The following SAMSN1 variants were observed in gnomAD, a reference collection of about 807,000 sequenced individuals.
The protein encoded by SAMSN1 is SAM domain, SH3 domain and nuclear localization signals 1.
A neutral mutation model predicts 42.0 loss-of-function variants in SAMSN1; 31 were observed. The observed-to-expected ratio is 0.74, with a 90% CI of 0.55 to 1.00. SAMSN1 has a LOEUF of 1.00. Among genes scored for constraint, SAMSN1 ranks in the 50% least tolerant of loss-of-function variants. The pLI, the probability that SAMSN1 is intolerant of heterozygous loss-of-function variation, is 0.00. For synonymous variants in SAMSN1, 178 were observed against 151.9 expected (o/e 1.17, Z -1.26); for missense variants, 464 against 439.4 (o/e 1.06, Z -0.50).
intron 1 of SAMSN1, among the ~76,000 whole-genome samples, chr21:14,657,340 C>T (rs1650778080): frequency 6.6e-6 from 1 of 151,734 alleles, no homozygotes; most frequent in Non-Finnish European, 1.5e-5. Flanking sequence ...ACAACTTTAA[C>T]AGACAGAAAA....
intron 2 of SAMSN1, among the ~76,000 whole-genome samples, chr21:14,581,197 A>G (rs1981703805): frequency 6.6e-6 from 1 of 152,002 alleles, no homozygotes; most frequent in South Asian, 2.1e-4. Context: ...ACTCTAATGT[A>G]GTAGCTAAAA....
intron 2 of SAMSN1, among the ~76,000 whole-genome samples, chr21:14,578,680 CAAAAAAAAAAAAA>C (rs769354531): frequency 9.4e-5 from 6 of 63,726 alleles, no homozygotes; most frequent in African/African-American, 3.1e-4. Flanking sequence ...GAGAATCCAT[CAAAAAAAAAAAAA>C]AAAAAAAAAA....
intron 7 of SAMSN1, among the ~76,000 whole-genome samples, chr21:14,589,582 T>C (rs74604784): frequency 5.7e-4 from 87 of 152,222 alleles, no homozygotes; most frequent in African/African-American, 1.9e-3. Flanking sequence ...TATACCTACA[T>C]ATATTTGCTG....
chr21:14,600,686 T>C (rs1982405461), intron 6 of SAMSN1, among the ~76,000 whole-genome samples: 1 of 152,210 alleles, frequency 6.6e-6, no homozygotes, highest in African/African-American at 2.4e-5. Flanking sequence ...GATTTCCTCT[T>C]GGCAGAAGGC....
chr21:14,653,809 G>C (rs975638538), intron 1 of SAMSN1, among the ~76,000 whole-genome samples: 9 of 149,580 alleles, frequency 6.0e-5, no homozygotes, highest in African/African-American at 2.2e-4. Flanking sequence ...TTAAAAATTT[G>C]AAAGAATGAA....
chr21:14,552,502 T>C (rs1271067577), intron 2 of SAMSN1, among the ~76,000 whole-genome samples: 1 of 152,080 alleles, frequency 6.6e-6, no homozygotes, highest in African/African-American at 2.4e-5. Context: ...CACTCCCACT[T>C]TTCCACCATG....
At chr21:14,528,765 C>A (rs1023580520) in intron 1 of SAMSN1, among the ~76,000 whole-genome samples, 1 of 152,130 alleles carries the variant, frequency 6.6e-6, no homozygotes, top group African/African-American at 2.4e-5. Flanking sequence ...CAAATTCTTG[C>A]CCCTCTAATC....
chr21:14,649,815 A>ACACC (rs1983800163), intron 1 of SAMSN1, among the ~76,000 whole-genome samples: 4 of 151,856 alleles, frequency 2.6e-5, no homozygotes, highest in Non-Finnish European at 4.4e-5. Flanking sequence ...ACACACACAC[A>ACACC]CAGAAAGAGA....
intron 4 of SAMSN1, among the ~76,000 whole-genome samples, chr21:14,610,838 C>A (rs2123322446): frequency 6.6e-6 from 1 of 152,344 alleles, no homozygotes; most frequent in South Asian, 2.1e-4. Context: ...ATAGGCACTT[C>A]ACCATATATG....
chr21:14,556,647 C>T (rs947972868), intron 2 of SAMSN1, among the ~76,000 whole-genome samples: 4 of 152,128 alleles, frequency 2.6e-5, no homozygotes, highest in African/African-American at 9.7e-5. Context: ...CCAACACACA[C>T]AAAGTGAGGT....
intron 2 of SAMSN1, among the ~76,000 whole-genome samples, chr21:14,561,157 C>T (rs1402283873): frequency 6.6e-6 from 1 of 152,018 alleles, no homozygotes; most frequent in Admixed American, 6.6e-5. Context: ...TCACGCTGCC[C>T]CACCCAGACT....
rs71183427 is a variant in SAMSN1, at chr21:14,527,760, TA to T, written c.58-6540del. Among the ~76,000 whole-genome samples the T allele has an allele frequency of 1.0e-2, 1,074 of 107,836 alleles. 14 individuals carry two copies. The highest frequency in any genetic ancestry group is 0.042 in the African/African-American group (921 of 22,162). The allele number at this position is 107,836 out of a possible 152,430, so 70.7% of individuals were successfully genotyped here. ...TTACCTGAAGGAAAGAAACTAGAAC[TA>T]AAAAAAAAAAAAAAAAAAAAAATGC... On this transcript the variant is annotated intron_variant, in intron 1 of 7. Coordinates refer to ENST00000400566, the MANE Select transcript of SAMSN1 (RefSeq NM_022136.5).
At chr21:14,614,939 AG>A (rs879733859) in intron 3 of SAMSN1, among the ~76,000 whole-genome samples, 1 of 152,202 alleles carries the variant, frequency 6.6e-6, no homozygotes, top group Non-Finnish European at 1.5e-5. Context: ...GGTCATCATC[AG>A]ACACTTTCCC....
At chr21:14,546,161 T>C (rs769533977) in intron 1 of SAMSN1, 44 bp downstream of exon 1, 58 of 1,523,032 alleles carry the variant, frequency 3.8e-5, no homozygotes, top group Non-Finnish European at 5.3e-5. Flanking sequence ...TTATTTTCTA[T>C]TAAATAGTTT....
rs1160652870 is a variant in SAMSN1, at chr21:14,615,408, T to C, written c.197+568A>G. Among the ~76,000 whole-genome samples the C allele has an allele frequency of 2.0e-5, 3 of 152,182 alleles. No homozygotes were observed. In the East Asian group the frequency reaches 5.8e-4, roughly 29 times the overall value. On this transcript the variant is annotated intron_variant, in intron 3 of 15. Coordinates refer to the SAMSN1 transcript ENST00000647101. Reference sequence around the variant, plus strand: ...AACATCACATAATTTACAATTGGCCTCAGACCAATCCAGGGTGCAAGGAAG... The same window carrying C: ...AACATCACATAATTTACAATTGGCCCCAGACCAATCCAGGGTGCAAGGAAG...
intron 7 of SAMSN1, among the ~76,000 whole-genome samples, chr21:14,489,666 C>G (rs1428086899): frequency 1.3e-5 from 2 of 151,938 alleles, no homozygotes; most frequent in African/African-American, 2.4e-5. Context: ...ATTCTGTACT[C>G]TATATAATAA....
chr21:14,512,247 C>T (rs1987718385), intron 4 of SAMSN1, among the ~76,000 whole-genome samples, 197 bp downstream of exon 4: 1 of 152,172 alleles, frequency 6.6e-6, no homozygotes, highest in Non-Finnish European at 1.5e-5. Context: ...AAAGTTTTCA[C>T]ACACTATATG....
chr21:14,593,392 T>C (rs1982150770), intron 7 of SAMSN1, among the ~76,000 whole-genome samples: 1 of 152,130 alleles, frequency 6.6e-6, no homozygotes, highest in African/African-American at 2.4e-5. Context: ...ATAATACTTG[T>C]TGATGTATGT....
intron 2 of SAMSN1, among the ~76,000 whole-genome samples, chr21:14,569,244 G>C (rs1195063024): frequency 1.3e-5 from 2 of 152,282 alleles, no homozygotes; most frequent in African/African-American, 4.8e-5. Flanking sequence ...GCAGTGAGCT[G>C]TGACCGCACT....
Sources: allele counts gnomAD v4.1 joint callset (sites outside exome capture counted in the v4.1 genomes callset), GRCh38; gene constraint gnomAD v4.1.1; transcripts MANE v1.5; gene names NCBI Gene and HGNC (gene_info 2026-07-23, HGNC 2026-07-21).